HIVEP1: variants seen among roughly 807,000 people sequenced by gnomAD.
The protein encoded by HIVEP1 is zinc finger protein 40.
In HIVEP1, 36 loss-of-function variants were observed where a neutral mutation model predicts 180.0. The ratio of observed to expected loss-of-function variants is 0.20; its 90% CI spans 0.15 to 0.26. HIVEP1 has a LOEUF of 0.26. Ranked by LOEUF, HIVEP1 falls within the 10% of genes least tolerant of loss-of-function variation. HIVEP1 has a pLI of 1.00. For missense variants in HIVEP1, 3,143 were observed against 3,268.7 expected, an observed-to-expected ratio of 0.96 and a Z score of 0.94; for synonymous variants, 1,239 against 1,239.0, an observed-to-expected ratio of 1.00 and a Z score of 0.00.
chr6:12,131,992 TC>T (rs1335835789), intron 6 of HIVEP1, among the ~76,000 whole-genome samples: 1 of 152,152 alleles, frequency 6.6e-6, no homozygotes, highest in African/African-American at 2.4e-5. Context: ...ACTACATGCT[TC>T]AAATTAGTAC....
intron 8 of HIVEP1, among the ~76,000 whole-genome samples, chr6:12,162,146 A>G (rs1760448040): frequency 6.6e-6 from 1 of 151,466 alleles, no homozygotes; most frequent in Admixed American, 6.6e-5. Flanking sequence ...TTTATTGTAA[A>G]TCTATGAAAG....
Position 12,164,109 on chromosome 6 carries a change from G to A in HIVEP1, c.7805G>A (p.Gly2602Glu), listed in dbSNP as rs1007515401. Reference sequence around the variant, plus strand: ...GTCAGCAGGACCGAGTCTCCTCAGGGGTTACCTACAGTCCAGCGGGAAAAT... The same window carrying A: ...GTCAGCAGGACCGAGTCTCCTCAGGAGTTACCTACAGTCCAGCGGGAAAAT... ...NQVSRTESPQ[G>E]LPTVQRENAK... The change falls in exon 9 of 9, where the codon GGG (glycine) becomes GAG (glutamate). Residue 2602 changes from glycine to glutamate, a missense_variant. Around this residue, in one of 12 missense-constraint regions of HIVEP1, gnomAD observed 595 missense variants for 602.2 expected, o/e 0.99. Transcript: ENST00000379388. The A allele has an allele frequency of 6.2e-7, 1 of 1,613,982 alleles. No homozygotes were observed. Among genetic ancestry groups the A allele is most frequent in the African/African-American group, 1.3e-5 (1 of 74,910 alleles).
chr6:12,164,679 A>G lies in HIVEP1; in HGVS notation c.*218A>G. On this transcript the variant is annotated 3_prime_UTR_variant, in exon 9 of 9. Transcript: ENST00000379388. The stretch of plus-strand genomic sequence containing the variant: ...CCTTTTAGGAGCTTTATGTTTAGAA[A>G]CTGTACAGATTGTTGAATATCTATA... The G allele has an allele frequency of 2.2e-6, 1 of 452,302 alleles. No homozygotes were observed. Among genetic ancestry groups the G allele is most frequent in the South Asian group, 3.8e-5 (1 of 26,560 alleles). 28.0% of individuals were successfully genotyped at this position (452,302 alleles called of 1,614,324 possible).
intron 3 of HIVEP1, among the ~76,000 whole-genome samples, chr6:12,117,681 T>C (rs1775307104): frequency 6.6e-6 from 1 of 152,240 alleles, no homozygotes; most frequent in Admixed American, 6.5e-5. Context: ...AAAACAGGCA[T>C]ACCTACCCTG....
chr6:12,015,913 G>A (rs1767710334), intron 2 of HIVEP1, among the ~76,000 whole-genome samples: 2 of 152,120 alleles, frequency 1.3e-5, no homozygotes, highest in Non-Finnish European at 2.9e-5. Context: ...CATTAGATGG[G>A]GTATTAAAGG....
At chr6:12,062,198 T>C (rs1317203919) in intron 2 of HIVEP1, among the ~76,000 whole-genome samples, 2 of 152,210 alleles carry the variant, frequency 1.3e-5, no homozygotes, top group Non-Finnish European at 2.9e-5. Flanking sequence ...TGTTCAGATT[T>C]ACTTAGAATT....
intron 2 of HIVEP1, among the ~76,000 whole-genome samples, chr6:12,076,198 A>C (rs1003437913): frequency 6.6e-6 from 1 of 152,130 alleles, no homozygotes; most frequent in African/African-American, 2.4e-5. Flanking sequence ...AAGTTTTTAG[A>C]TATTCTTTCA....
chr6:12,109,661 A>G (rs1453150744), intron 3 of HIVEP1, among the ~76,000 whole-genome samples: 1 of 152,188 alleles, frequency 6.6e-6, no homozygotes, highest in East Asian at 1.9e-4. Context: ...TTTCCACCAC[A>G]TCTGCGGGGA....
intron 5 of HIVEP1, among the ~76,000 whole-genome samples, chr6:12,130,385 T>C (rs1268668276): frequency 6.6e-6 from 1 of 152,204 alleles, no homozygotes; most frequent in Non-Finnish European, 1.5e-5. Flanking sequence ...TAAAATTACA[T>C]GCAGTAGTGC....
At chr6:12,161,230 C>T (rs919352401) in intron 7 of HIVEP1, among the ~76,000 whole-genome samples, 4 of 152,188 alleles carry the variant, frequency 2.6e-5, no homozygotes, top group Non-Finnish European at 4.4e-5. Context: ...ACCCCGGCCC[C>T]TCCCGCAGAG....
rs756347671 is a variant in HIVEP1, at chr6:12,124,931, G to A, written c.5136G>A (p.Glu1712=). The A allele has an allele frequency of 1.9e-6, 3 of 1,613,916 alleles. No homozygotes were observed. The highest frequency in any genetic ancestry group is 2.2e-5 in the South Asian group (2 of 91,016). Residue 1712 remains glutamate, a synonymous_variant, in exon 4 of 9, where the codon GAG becomes GAA. Coordinates refer to ENST00000379388, the MANE Select transcript of HIVEP1 (RefSeq NM_002114.4). Reference sequence around the variant, plus strand: ...TTCTATGTGAAAATGTTTTTTCAGAGATGAGCCAAAATTCTTCTCTATCAG... The same window carrying A: ...TTCTATGTGAAAATGTTTTTTCAGAAATGAGCCAAAATTCTTCTCTATCAG... ...KEFLCENVFS[E]MSQNSSLSES... is the part of the protein sequence containing the mutation.
the HIVEP1 span, among the ~76,000 whole-genome samples, chr6:12,199,501 A>G: frequency 6.6e-6 from 1 of 151,466 alleles, no homozygotes; most frequent in Admixed American, 6.6e-5. Flanking sequence ...AGCTGGGATT[A>G]CAGGTGCCCA....
chr6:12,062,687 G>A (rs1012075484), intron 2 of HIVEP1, among the ~76,000 whole-genome samples: 48 of 152,092 alleles, frequency 3.2e-4, no homozygotes, highest in African/African-American at 1.0e-3. Flanking sequence ...TGTGAGGTAG[G>A]TACCATTTTC....
the HIVEP1 span, among the ~76,000 whole-genome samples, chr6:12,199,768 A>C: frequency 6.6e-6 from 1 of 152,236 alleles, no homozygotes; most frequent in Non-Finnish European, 1.5e-5. Context: ...ACAAGTGGAA[A>C]ACATAAAAGC....
intron 2 of HIVEP1, among the ~76,000 whole-genome samples, chr6:12,069,725 TAATA>T (rs527573166): frequency 2.4e-4 from 37 of 151,722 alleles, no homozygotes; most frequent in African/African-American, 5.1e-4. Flanking sequence ...AGTATAATAA[TAATA>T]AATAAATAAA....
Position 12,123,050 on chromosome 6 carries a change from T to C in HIVEP1, c.3255T>C (p.Asn1085=). ...TAAGAAGTGACCAGCAGCATAAAAA[T>C]ATACAGTTGCAAAACTCCCATATTC... ...VTIRSDQQHK[N]IQLQNSHIHL... The change falls in exon 4 of 9, where the codon AAT becomes AAC. Residue 1085 remains asparagine, a synonymous_variant. Transcript: ENST00000379388. The C allele has an allele frequency of 6.2e-7, 1 of 1,614,124 alleles. No individual in the cohort carries two copies. The highest frequency in any genetic ancestry group is 8.5e-7 in the Non-Finnish European group (1 of 1,180,010).
chr6:12,033,627 T>G (rs1466238017), intron 2 of HIVEP1, among the ~76,000 whole-genome samples: 1 of 152,192 alleles, frequency 6.6e-6, no homozygotes, highest in African/African-American at 2.4e-5. Context: ...ACAACTGGAC[T>G]CCAGTATGTC....
the HIVEP1 span, among the ~76,000 whole-genome samples, chr6:12,183,135 T>A: frequency 6.6e-6 from 1 of 152,238 alleles, no homozygotes; most frequent in Non-Finnish European, 1.5e-5. Context: ...TGATTTTTTT[T>A]AATTCCAGTA....
At chr6:12,042,362 T>A (rs1210914899) in intron 2 of HIVEP1, among the ~76,000 whole-genome samples, 1 of 145,032 alleles carries the variant, frequency 6.9e-6, no homozygotes, top group Non-Finnish European at 1.5e-5. Flanking sequence ...ATTACAGGCG[T>A]GAGCCACCGC....
Sources: allele counts gnomAD v4.1 joint callset (sites outside exome capture counted in the v4.1 genomes callset), GRCh38; gene constraint gnomAD v4.1.1; regional missense constraint gnomAD v4.1.1; transcripts MANE v1.5; gene names NCBI Gene and HGNC (gene_info 2026-07-23, HGNC 2026-07-21).